The following ZNF385B variants were observed in gnomAD, a reference collection of about 807,000 sequenced individuals.
ZNF385B encodes zinc finger protein 385B.
ZNF385B carries 23 observed loss-of-function variants against 39.2 expected under a neutral mutation model. That is an observed-to-expected ratio of 0.59 (90% confidence interval 0.42 to 0.83). The LOEUF (loss-of-function observed/expected upper bound fraction) is 0.83. Ranked by LOEUF, ZNF385B falls within the 40% of genes least tolerant of loss-of-function variation. The pLI is 0.00. For synonymous variants in ZNF385B, 205 were observed against 222.6 expected (o/e 0.92, Z 0.70); for missense variants, 552 against 598.9 (o/e 0.92, Z 0.82).
At chr2:179,685,850 A>T (rs1338035785) in intron 3 of ZNF385B, among the ~76,000 whole-genome samples, 1 of 152,228 alleles carries the variant, frequency 6.6e-6, no homozygotes, top group African/African-American at 2.4e-5. Flanking sequence ...CCTAATAAAA[A>T]GTTGATAACC....
chr2:179,529,002 T>C (rs2059099079), intron 4 of ZNF385B, among the ~76,000 whole-genome samples: 1 of 152,198 alleles, frequency 6.6e-6, no homozygotes, highest in African/African-American at 2.4e-5. Flanking sequence ...ATTTCTGAAA[T>C]GGGTATGGGA....
At chr2:179,471,456 A>C (rs374815631) in intron 6 of ZNF385B, among the ~76,000 whole-genome samples, 1 of 152,242 alleles carries the variant, frequency 6.6e-6, no homozygotes, top group East Asian at 1.9e-4. Flanking sequence ...ACACATTTTT[A>C]TTTTCTTTTT....
chr2:179,714,940 C>T (rs1700223633), intron 3 of ZNF385B, among the ~76,000 whole-genome samples: 1 of 1,782 alleles, frequency 5.6e-4, no homozygotes, highest in African/African-American at 3.0e-3. Context: ...GAGATTCTAT[C>T]TCAAAAAAAA....
At chr2:179,751,962 T>A (rs1470338911) in intron 3 of ZNF385B, among the ~76,000 whole-genome samples, 3 of 152,174 alleles carry the variant, frequency 2.0e-5, no homozygotes, top group Non-Finnish European at 2.9e-5. Flanking sequence ...ATACTTTAAG[T>A]TCTAGGGCAC....
At chr2:179,601,042 A>G (rs189963788) in intron 3 of ZNF385B, among the ~76,000 whole-genome samples, 1 of 152,340 alleles carries the variant, frequency 6.6e-6, no homozygotes, top group Admixed American at 6.5e-5. Context: ...CACATAGGCC[A>G]TTTCATTCTT....
At chr2:179,502,341 G>C (rs942125462) in intron 5 of ZNF385B, among the ~76,000 whole-genome samples, 2 of 152,154 alleles carry the variant, frequency 1.3e-5, no homozygotes, top group Non-Finnish European at 2.9e-5. Flanking sequence ...GCAGAGGCCA[G>C]GGGAGGAATA....
At chr2:179,458,155 G>A (rs748790824) in intron 6 of ZNF385B, among the ~76,000 whole-genome samples, 38 of 152,064 alleles carry the variant, frequency 2.5e-4, no homozygotes, top group African/African-American at 5.1e-4. Context: ...TGGCTGTGTC[G>A]CCACCCAATC....
At chr2:179,763,543 T>C (rs1474355501) in intron 3 of ZNF385B, among the ~76,000 whole-genome samples, 2 of 152,176 alleles carry the variant, frequency 1.3e-5, no homozygotes, top group Non-Finnish European at 2.9e-5. Flanking sequence ...TTCCATTTGC[T>C]TGTGGTTTGG....
chr2:179,741,985 A>G (rs1488573355), intron 3 of ZNF385B, among the ~76,000 whole-genome samples: 1 of 152,120 alleles, frequency 6.6e-6, no homozygotes, highest in Non-Finnish European at 1.5e-5. Flanking sequence ...ACAACAAAAC[A>G]AAATGAATTA....
At chr2:179,455,466 C>T (rs78040129) in intron 6 of ZNF385B, among the ~76,000 whole-genome samples, 18,158 of 152,064 alleles carry the variant, frequency 0.12, 1,433 homozygotes, top group East Asian at 0.33. Flanking sequence ...CCCTTTTGCT[C>T]GGCACGTCTC....
chr2:179,575,231 C>A (rs539487097), intron 3 of ZNF385B, among the ~76,000 whole-genome samples: 1 of 151,894 alleles, frequency 6.6e-6, no homozygotes. Context: ...TGCGATATGA[C>A]AATAAAATTA....
rs561822277 is a variant in ZNF385B, at chr2:179,603,816, T to C, written c.299-58847A>G. Reference sequence around the variant, plus strand: ...TTCCTCCATATACTCGCTCTCCAAATGAACTACAATAATTCTATATTTATG... The same window carrying C: ...TTCCTCCATATACTCGCTCTCCAAACGAACTACAATAATTCTATATTTATG... On this transcript the variant is annotated intron_variant, in intron 3 of 9. Coordinates refer to ENST00000410066, the MANE Select transcript of ZNF385B (RefSeq NM_152520.6). Among the ~76,000 whole-genome samples the C allele has an allele frequency of 2.6e-5, 4 of 152,174 alleles. No homozygotes were observed. In the South Asian group the frequency reaches 8.3e-4, roughly 32 times the overall value.
At chr2:179,537,988 T>G (rs1284528993) in intron 4 of ZNF385B, among the ~76,000 whole-genome samples, 1 of 152,120 alleles carries the variant, frequency 6.6e-6, no homozygotes, top group Admixed American at 6.5e-5. Context: ...CATGGAAAAT[T>G]TCATCTTGGC....
At chr2:179,595,398 C>A (rs1209364623) in intron 3 of ZNF385B, among the ~76,000 whole-genome samples, 2 of 152,126 alleles carry the variant, frequency 1.3e-5, no homozygotes, top group East Asian at 1.9e-4. Context: ...CCTATATGTT[C>A]TCCCATGGAT....
intron 3 of ZNF385B, among the ~76,000 whole-genome samples, chr2:179,765,742 C>T (rs1157611652): frequency 6.6e-6 from 1 of 152,104 alleles, no homozygotes; most frequent in Non-Finnish European, 1.5e-5. Flanking sequence ...GATCTTACTG[C>T]CTTTGTGGAC....
chr2:179,655,662 A>G (rs1220742496), intron 3 of ZNF385B, among the ~76,000 whole-genome samples: 1 of 152,166 alleles, frequency 6.6e-6, no homozygotes, highest in Non-Finnish European at 1.5e-5. Context: ...AATTTTCCAC[A>G]GAGTTGCATT....
chr2:179,458,413 A>G (rs2050942524), intron 6 of ZNF385B, among the ~76,000 whole-genome samples: 1 of 152,204 alleles, frequency 6.6e-6, no homozygotes. Context: ...CTGTAAATCC[A>G]TTAAATGTCT....
Position 179,519,544 on chromosome 2 carries a change from G to T in ZNF385B, c.442-906C>A, listed in dbSNP as rs555767749. Among the ~76,000 whole-genome samples the T allele has an allele frequency of 2.6e-5, 4 of 152,218 alleles. No homozygotes were observed. The East Asian group carries it at 7.7e-4, about 29-fold the overall frequency. On this transcript the variant is annotated intron_variant, in intron 4 of 9. Coordinates refer to ENST00000410066, the MANE Select transcript of ZNF385B (RefSeq NM_152520.6). ...ATACAGTGATACAAGTACTCCAACA[G>T]AAAAAGTATGGCACATAGTCATTAA...
intron 1 of ZNF385B, among the ~76,000 whole-genome samples, chr2:179,859,200 G>C (rs1684843113): frequency 6.6e-6 from 1 of 152,176 alleles, no homozygotes; most frequent in Non-Finnish European, 1.5e-5. Flanking sequence ...ATATTTGGGT[G>C]ACAGGTACTA....
Sources: allele counts gnomAD v4.1 joint callset (sites outside exome capture counted in the v4.1 genomes callset), GRCh38; gene constraint gnomAD v4.1.1; transcripts MANE v1.5; gene names NCBI Gene and HGNC (gene_info 2026-07-23, HGNC 2026-07-21).